SWAP70: variants seen among roughly 807,000 people sequenced by gnomAD.
SWAP70 encodes the protein switch-associated protein 70.
In SWAP70, 34 loss-of-function variants were observed where a neutral mutation model predicts 80.2. That is an observed-to-expected ratio of 0.42 (90% CI 0.32 to 0.56). The LOEUF is 0.56. SWAP70 is among the 20% of genes least tolerant of loss of function. SWAP70 has a pLI of 0.09. For synonymous variants in SWAP70, 239 were observed against 238.5 expected (o/e 1.00, Z -0.02); for missense variants, 578 against 690.7 (o/e 0.84, Z 1.83).
chr11:9,746,895 A>C (rs565431431), intron 9 of SWAP70, among the ~76,000 whole-genome samples: 1 of 152,326 alleles, frequency 6.6e-6, no homozygotes, highest in East Asian at 1.9e-4. Flanking sequence ...GAATTTGGAA[A>C]TTGGTGTTGG....
intron 2 of SWAP70, among the ~76,000 whole-genome samples, chr11:9,707,645 TC>T (rs1850934681): frequency 6.7e-6 from 1 of 149,318 alleles, no homozygotes; most frequent in Non-Finnish European, 1.5e-5. Context: ...AGCCTCCACC[TC>T]TGGGGTTCAA....
Position 9,740,341 on chromosome 11 carries a change from A to T in SWAP70, c.1349A>T (p.Gln450Leu). Residue 450 changes from glutamine (Q) to leucine (L), a missense_variant, in exon 9 of 12, where the codon CAG (glutamine) becomes CTG (leucine). Gln to Leu is a moderately radical substitution (Grantham distance 113). Coordinates refer to ENST00000318950, the MANE Select transcript of SWAP70 (RefSeq NM_015055.4). Reference sequence around the variant, plus strand: ...GATGAAGAGACAGTGCGGAAGCTTCAGGCCAGGTGCCAGATTTGTTTGCAG... The same window carrying T: ...GATGAAGAGACAGTGCGGAAGCTTCTGGCCAGGTGCCAGATTTGTTTGCAG... ...RQDEETVRKL[Q>L]ARLLEEESSK... 6.2e-7 allele frequency: 1 copy of T among 1,614,228 alleles called. No homozygotes were observed. Among genetic ancestry groups the T allele is most frequent in the Non-Finnish European group, 8.5e-7 (1 of 1,180,020 alleles).
chr11:9,701,029 C>A (rs538043484), intron 2 of SWAP70, among the ~76,000 whole-genome samples: 3 of 152,096 alleles, frequency 2.0e-5, no homozygotes, highest in Admixed American at 2.0e-4. Flanking sequence ...TATATTGAAA[C>A]TTTCCAAAAA....
At chr11:9,725,567 A>ATTT (rs1158096816) in intron 4 of SWAP70, among the ~76,000 whole-genome samples, 15 of 17,312 alleles carry the variant, frequency 8.7e-4, no homozygotes, top group Admixed American at 1.8e-3. Flanking sequence ...ATATATATAT[A>ATTT]TATTTTTTTT....
intron 9 of SWAP70, among the ~76,000 whole-genome samples, chr11:9,743,565 T>C (rs1851470784): frequency 6.6e-6 from 1 of 151,500 alleles, no homozygotes; most frequent in Admixed American, 6.6e-5. Flanking sequence ...GCACCTGTTG[T>C]TTCCTGACTT....
intron 8 of SWAP70, among the ~76,000 whole-genome samples, chr11:9,738,815 T>C (rs775491252): frequency 1.3e-5 from 2 of 152,012 alleles, no homozygotes; most frequent in Non-Finnish European, 2.9e-5. Flanking sequence ...GAGCTGTGAT[T>C]TTGCCACTGC....
intron 1 of SWAP70, among the ~76,000 whole-genome samples, chr11:9,690,828 A>T (rs1257960837): frequency 6.6e-6 from 1 of 151,980 alleles, no homozygotes; most frequent in Non-Finnish European, 1.5e-5. Flanking sequence ...ATAGTACACA[A>T]TTTTTTCCTC....
At chr11:9,736,950 C>T (rs770345735) in intron 7 of SWAP70, among the ~76,000 whole-genome samples, 1 of 152,204 alleles carries the variant, frequency 6.6e-6, no homozygotes, top group Admixed American at 6.5e-5. Flanking sequence ...CAGTGGCTCA[C>T]ACCTGTTAAT....
chr11:9,710,661 T>A (rs560447642), intron 2 of SWAP70, among the ~76,000 whole-genome samples: 226 of 152,168 alleles, frequency 1.5e-3, no homozygotes, highest in African/African-American at 5.2e-3. Flanking sequence ...ATATGGCTTT[T>A]TTTTTTTTAA....
intron 2 of SWAP70, among the ~76,000 whole-genome samples, chr11:9,710,234 C>T (rs1850977500): frequency 6.6e-6 from 1 of 151,946 alleles, no homozygotes; most frequent in African/African-American, 2.4e-5. Context: ...CCTTATAGGA[C>T]TAATACAAAA....
In SWAP70 at chr11:9,751,828, A is replaced by C. The variant is rs964344634; in HGVS notation, c.*1858A>C. 1 of 152,220 alleles carries C rather than the reference A, an allele frequency of 6.6e-6. No individual in the cohort carries two copies. Among genetic ancestry groups the C allele is most frequent in the Non-Finnish European group, 1.5e-5 (1 of 68,042 alleles). 9.4% of individuals were successfully genotyped at this position (152,220 alleles called of 1,614,324 possible). A position where few individuals can be genotyped will look rare whatever the true frequency, so the allele number is the denominator to read the frequency against. ...AAATGTAACTTTAACGGTTTCTTATAGTTGCCTTTATAAAGTGTATTGTCT... is the reference window on the plus strand; with the variant it reads ...AAATGTAACTTTAACGGTTTCTTATCGTTGCCTTTATAAAGTGTATTGTCT... On this transcript the variant is annotated 3_prime_UTR_variant, in exon 12 of 12. Transcript: ENST00000318950.
At chr11:9,670,457 T>C (rs996086212) in intron 1 of SWAP70, among the ~76,000 whole-genome samples, 1 of 152,170 alleles carries the variant, frequency 6.6e-6, no homozygotes, top group Non-Finnish European at 1.5e-5. Flanking sequence ...GTTTTATTTA[T>C]TTATTTTTTT....
chr11:9,664,411 T>G, intron 1 of SWAP70, 133 bp downstream of exon 1: 1 of 924,664 alleles, frequency 1.1e-6, no homozygotes, highest in Non-Finnish European at 1.6e-6. Flanking sequence ...TAGGCCCGCT[T>G]GGGGCGGAGT....
chr11:9,750,074 A>C lies in SWAP70; in HGVS notation c.*104A>C. 1 of 770,338 alleles carries C rather than the reference A, an allele frequency of 1.3e-6. No individual in the cohort carries two copies. 47.7% of individuals were successfully genotyped at this position (770,338 alleles called of 1,614,324 possible). ...CTTTGGGGGCCGGGCGTGGTGGCTCACGCCTGTAATCCCAGCACTTTGGGA... is the reference window on the plus strand; with the variant it reads ...CTTTGGGGGCCGGGCGTGGTGGCTCCCGCCTGTAATCCCAGCACTTTGGGA... On this transcript the variant is annotated 3_prime_UTR_variant, in exon 12 of 12. Coordinates refer to ENST00000318950, the MANE Select transcript of SWAP70 (RefSeq NM_015055.4).
intron 3 of SWAP70, among the ~76,000 whole-genome samples, chr11:9,716,408 T>C (rs540513420): frequency 1.3e-5 from 2 of 152,252 alleles, no homozygotes; most frequent in African/African-American, 4.8e-5. Context: ...GGGAATAATA[T>C]AGTATATTTG....
chr11:9,685,117 C>CTT (rs1011054261), intron 1 of SWAP70, among the ~76,000 whole-genome samples: 3 of 139,082 alleles, frequency 2.2e-5, no homozygotes, highest in Admixed American at 7.2e-5. Context: ...GGGTGACTTT[C>CTT]TTTTTTTTTT....
chr11:9,722,154 A>T (rs1851146614), intron 3 of SWAP70, among the ~76,000 whole-genome samples: 1 of 152,234 alleles, frequency 6.6e-6, no homozygotes, highest in Non-Finnish European at 1.5e-5. Context: ...GGCATTGTGC[A>T]AATTGCTCTG....
chr11:9,676,648 GTT>G (rs776925174), intron 1 of SWAP70, among the ~76,000 whole-genome samples: 2 of 135,362 alleles, frequency 1.5e-5, no homozygotes, highest in Admixed American at 7.5e-5. Flanking sequence ...TATAGATGCA[GTT>G]TTTTTTTTTT....
At chr11:9,676,371 C>T (rs1850500691) in intron 1 of SWAP70, among the ~76,000 whole-genome samples, 1 of 152,094 alleles carries the variant, frequency 6.6e-6, no homozygotes, top group Non-Finnish European at 1.5e-5. Context: ...GGTTTTGGTG[C>T]TCTTCTTTTG....
Sources: gnomAD v4.1 joint callset for allele counts (sites outside exome capture counted in the v4.1 genomes callset) on GRCh38, gnomAD v4.1.1 for gene constraint, MANE v1.5 for transcripts, NCBI Gene and HGNC (gene_info 2026-07-23, HGNC 2026-07-21) for gene names.